GPC5: variants seen among roughly 807,000 people sequenced by gnomAD.
The protein encoded by GPC5 is glypican 5, also known as glypican-5.
GPC5 carries 47 observed loss-of-function variants against 53.9 expected under a neutral mutation model. The ratio of observed to expected loss-of-function variants is 0.87; its 90% CI spans 0.69 to 1.11. GPC5 has a LOEUF of 1.11. Ranked by LOEUF, GPC5 falls within the 50% of genes most tolerant of loss-of-function variation. GPC5 has a pLI of 0.00. For synonymous variants in GPC5, 286 were observed against 263.3 expected, an observed-to-expected ratio of 1.09 and a Z score of -0.84; for missense variants, 748 against 713.1, an observed-to-expected ratio of 1.05 and a Z score of -0.56.
chr13:91,796,587 G>A (rs1221650317), intron 5 of GPC5, among the ~76,000 whole-genome samples: 1 of 152,144 alleles, frequency 6.6e-6, no homozygotes, highest in Non-Finnish European at 1.5e-5. Context: ...AGCCTGATTG[G>A]TATTTTAGTG....
At chr13:92,457,099 G>A (rs573177474) in intron 7 of GPC5, among the ~76,000 whole-genome samples, 2 of 152,120 alleles carry the variant, frequency 1.3e-5, no homozygotes, top group South Asian at 4.1e-4. Flanking sequence ...AGAACATGCG[G>A]TATTTGGTTT....
chr13:92,505,440 TA>T (rs745685414), intron 7 of GPC5, among the ~76,000 whole-genome samples: 9 of 151,596 alleles, frequency 5.9e-5, no homozygotes, highest in African/African-American at 1.5e-4. Context: ...TAACTCCCAC[TA>T]AAAAAAAGTA....
At chr13:92,147,524 G>A (rs1337063172) in intron 7 of GPC5, among the ~76,000 whole-genome samples, 1 of 152,016 alleles carries the variant, frequency 6.6e-6, no homozygotes, top group African/African-American at 2.4e-5. Context: ...AAAGGAGGTA[G>A]AGGCAGTGAA....
intron 2 of GPC5, among the ~76,000 whole-genome samples, chr13:91,483,081 A>T (rs1465848877): frequency 6.6e-6 from 1 of 152,098 alleles, no homozygotes; most frequent in Non-Finnish European, 1.5e-5. Context: ...ATTAGTTTTC[A>T]CGTATATTTG....
intron 1 of GPC5, among the ~76,000 whole-genome samples, chr13:91,427,331 C>T (rs1879130886): frequency 6.6e-6 from 1 of 152,206 alleles, no homozygotes; most frequent in African/African-American, 2.4e-5. Context: ...CCCTGTGAAG[C>T]CACAGGGACA....
chr13:91,468,874 CTTTT>C (rs5805695), intron 2 of GPC5, among the ~76,000 whole-genome samples: 1 of 135,014 alleles, frequency 7.4e-6, no homozygotes. Flanking sequence ...AGATAATGGT[CTTTT>C]TTTTTTTTTT....
At chr13:91,973,697 C>G (rs2040267429) in intron 6 of GPC5, among the ~76,000 whole-genome samples, 1 of 152,190 alleles carries the variant, frequency 6.6e-6, no homozygotes, top group Non-Finnish European at 1.5e-5. Context: ...ACAGGACCCT[C>G]AGCTGCAGGT....
chr13:92,307,788 C>A (rs2043120557), intron 7 of GPC5, among the ~76,000 whole-genome samples: 1 of 152,188 alleles, frequency 6.6e-6, no homozygotes, highest in South Asian at 2.1e-4. Context: ...TACAGAAAAT[C>A]TAAAATAATA....
rs1006971632 is a variant in GPC5 at position 91,550,684 on chromosome 13, A to G, written c.325+101762A>G. On this transcript the variant is annotated intron_variant, in intron 2 of 7. Coordinates refer to ENST00000377067, the MANE Select transcript of GPC5 (RefSeq NM_004466.6). ...TGAATAAAATTTTTTGATTTTTCTGAGATCTAGTGATAAGGTTTGGCTATG... is the reference window on the plus strand; with the variant it reads ...TGAATAAAATTTTTTGATTTTTCTGGGATCTAGTGATAAGGTTTGGCTATG... Among the ~76,000 whole-genome samples the G allele has an allele frequency of 2.6e-5, 4 of 152,078 alleles. No individual in the cohort carries two copies. The East Asian group carries it at 7.7e-4, about 29-fold the overall frequency.
intron 7 of GPC5, among the ~76,000 whole-genome samples, chr13:92,538,187 T>C (rs1251968037): frequency 6.6e-6 from 1 of 151,994 alleles, no homozygotes; most frequent in Admixed American, 6.6e-5. Flanking sequence ...ACATTTTGCG[T>C]ATGTAAAAAT....
chr13:91,970,759 GGA>G (rs2040234170), intron 6 of GPC5, among the ~76,000 whole-genome samples: 1 of 152,124 alleles, frequency 6.6e-6, no homozygotes, highest in Non-Finnish European at 1.5e-5. Context: ...TTTATATACT[GGA>G]TTACATTTAT....
Position 92,069,528 on chromosome 13 carries a change from A to C in GPC5, c.1402-75302A>C, listed in dbSNP as rs554648183. 8.7e-4 allele frequency among the ~76,000 whole-genome samples: 132 copies of C among 152,136 alleles called. 1 individual carries two copies. In the Middle Eastern group the frequency reaches 0.034, roughly 39 times the overall value. On this transcript the variant is annotated intron_variant, in intron 6 of 7. Transcript: ENST00000377067. ...ATGCTTTATACCTCATGGCATCTCC[A>C]TATAGAGATAGTTATATTTCTTTCT... is the stretch of plus-strand genomic sequence containing the variant.
intron 6 of GPC5, among the ~76,000 whole-genome samples, chr13:91,971,499 T>C (rs2040241814): frequency 6.6e-6 from 1 of 152,198 alleles, no homozygotes; most frequent in Admixed American, 6.5e-5. Flanking sequence ...ATTTCTTGCT[T>C]TGTGCTAGCT....
At chr13:91,885,834 T>C (rs1437518549) in intron 5 of GPC5, among the ~76,000 whole-genome samples, 1 of 152,206 alleles carries the variant, frequency 6.6e-6, no homozygotes, top group Non-Finnish European at 1.5e-5. Context: ...CTACATACTG[T>C]TCATAGACAA....
At chr13:91,604,435 C>A (rs1195711158) in intron 2 of GPC5, among the ~76,000 whole-genome samples, 3 of 151,782 alleles carry the variant, frequency 2.0e-5, no homozygotes, top group African/African-American at 7.3e-5. Flanking sequence ...GTCTTTATAG[C>A]AGCATGATTT....
chr13:92,534,012 T>G (rs1881642912), intron 7 of GPC5, among the ~76,000 whole-genome samples: 1 of 152,136 alleles, frequency 6.6e-6, no homozygotes, highest in African/African-American at 2.4e-5. Flanking sequence ...AGAGACCTGA[T>G]GAGGTGGCTC....
intron 6 of GPC5, among the ~76,000 whole-genome samples, chr13:92,144,340 A>G (rs2041851043): frequency 6.6e-6 from 1 of 152,184 alleles, no homozygotes; most frequent in African/African-American, 2.4e-5. Context: ...AAGAAAGTTT[A>G]AATGAAACTA....
intron 6 of GPC5, among the ~76,000 whole-genome samples, chr13:91,919,229 C>T (rs2039687603): frequency 6.6e-6 from 1 of 152,198 alleles, no homozygotes. Context: ...CTATTTGAGA[C>T]TACTACCAAT....
intron 1 of GPC5, among the ~76,000 whole-genome samples, chr13:91,410,287 T>G (rs1343856281): frequency 6.6e-6 from 1 of 152,140 alleles, no homozygotes. Context: ...AAATAATTAT[T>G]TGTGCTTGGT....
Sources: allele counts gnomAD v4.1 joint callset (sites outside exome capture counted in the v4.1 genomes callset), GRCh38; gene constraint gnomAD v4.1.1; transcripts MANE v1.5; gene names NCBI Gene and HGNC (gene_info 2026-07-23, HGNC 2026-07-21).